MTERF1: variants seen among roughly 807,000 people sequenced by gnomAD.
The protein encoded by MTERF1 is mitochondrial transcription termination factor 1.
Under a neutral mutation model 31.6 loss-of-function variants are expected in MTERF1, and 29 were observed. The observed-to-expected ratio is 0.92, with a 90% CI of 0.68 to 1.25. The LOEUF is 1.25. Ranked by LOEUF, MTERF1 falls within the 50% of genes most tolerant of loss-of-function variation. The pLI is 0.00. For synonymous variants in MTERF1, 152 were observed against 164.1 expected (o/e 0.93, Z 0.57); for missense variants, 500 against 469.1 (o/e 1.07, Z -0.61).
At chr7:91,877,583 A>G (rs1193541965) in intron 2 of MTERF1, among the ~76,000 whole-genome samples, 2 of 152,158 alleles carry the variant, frequency 1.3e-5, no homozygotes, top group African/African-American at 4.8e-5. Flanking sequence ...CAGTCATCAA[A>G]TCACGTAGAC....
chr7:91,871,989 G>A lies in MTERF1; in HGVS notation c.*1605C>T, dbSNP rs1584458924. ...CTGGTGGCTTTATAAGAGGAAAAGA[G>A]ACCTAAGTACATTAGCAATCGCCAT... On this transcript the variant is annotated 3_prime_UTR_variant, in exon 3 of 3. Coordinates refer to ENST00000351870, the MANE Select transcript of MTERF1 (RefSeq NM_006980.5). 1 of 152,314 alleles carries A rather than the reference G, an allele frequency of 6.6e-6. No homozygotes were observed. Among genetic ancestry groups the A allele is most frequent in the South Asian group, 2.1e-4 (1 of 4,816 alleles). The allele number at this position is 152,314 out of a possible 1,614,324, so 9.4% of individuals were successfully genotyped here.
intron 2 of MTERF1, among the ~76,000 whole-genome samples, chr7:91,875,801 C>T (rs1789332381): frequency 6.6e-6 from 1 of 152,152 alleles, no homozygotes; most frequent in Non-Finnish European, 1.5e-5. Flanking sequence ...CTTATATAGA[C>T]CTCTAGTCAA....
Position 91,873,281 on chromosome 7 carries a change from T to C in MTERF1, c.*313A>G, listed in dbSNP as rs909594562. On this transcript the variant is annotated 3_prime_UTR_variant, in exon 3 of 3. Coordinates refer to ENST00000351870, the MANE Select transcript of MTERF1 (RefSeq NM_006980.5). ...GGACTCTAATGGAGAATCTGTTTCC[T>C]TGCCTTTTCAATCTTTTTTTACAGG... 9.3e-6 allele frequency: 2 copies of C among 215,712 alleles called. No individual in the cohort carries two copies. Among genetic ancestry groups the C allele is most frequent in the African/African-American group, 4.6e-5 (2 of 43,316 alleles). 13.4% of individuals were successfully genotyped at this position (215,712 alleles called of 1,614,324 possible).
Position 91,871,900 on chromosome 7 carries a change from T to C in MTERF1, c.*1694A>G, listed in dbSNP as rs1437426416. ...AGAGGTGACTGGATCATAAGGGCTATGTCATCAGAAATTGATTAATCTATT... is the reference window on the plus strand; with the variant it reads ...AGAGGTGACTGGATCATAAGGGCTACGTCATCAGAAATTGATTAATCTATT... On this transcript the variant is annotated 3_prime_UTR_variant, in exon 3 of 3. Coordinates refer to ENST00000351870, the MANE Select transcript of MTERF1 (RefSeq NM_006980.5). 1.3e-5 allele frequency: 2 copies of C among 152,238 alleles called. No homozygotes were observed. The highest frequency in any genetic ancestry group is 2.1e-4 in the South Asian group (1 of 4,834). The allele number at this position is 152,238 out of a possible 1,614,324, so 9.4% of individuals were successfully genotyped here.
In MTERF1 at chr7:91,871,094, T is replaced by C. The variant is rs2130286004; in HGVS notation, c.*2500A>G. 1 of 152,044 alleles carries C rather than the reference T, an allele frequency of 6.6e-6. No individual in the cohort carries two copies. The highest frequency in any genetic ancestry group is 2.1e-4 in the South Asian group (1 of 4,816). The allele number at this position is 152,044 out of a possible 1,614,324, so 9.4% of individuals were successfully genotyped here. On this transcript the variant is annotated 3_prime_UTR_variant, in exon 3 of 3. Transcript: ENST00000351870. ...GCTGGCCAATATTTCTATAATTCTATCTTTAAAAAAAAAGAATTGACTCTC... is the reference window on the plus strand; with the variant it reads ...GCTGGCCAATATTTCTATAATTCTACCTTTAAAAAAAAAGAATTGACTCTC...
intron 2 of MTERF1, among the ~76,000 whole-genome samples, chr7:91,877,348 G>A (rs949943291): frequency 6.6e-6 from 1 of 152,060 alleles, no homozygotes; most frequent in African/African-American, 2.4e-5. Context: ...ATCTATAAAC[G>A]TTTCTTCTAA....
chr7:91,874,539 A>G lies in MTERF1; in HGVS notation c.255T>C (p.Asp85=), dbSNP rs1427032741. ...GCTGTCGTTTCCTTGCCATGTCAATATCTACTCCCATAGTAAGTAAGTTTT... is the reference window on the plus strand; with the variant it reads ...GCTGTCGTTTCCTTGCCATGTCAATGTCTACTCCCATAGTAAGTAAGTTTT... ...LLKNLLTMGV[D]IDMARKRQPG... The change falls in exon 3 of 3, where the codon GAT becomes GAC. Residue 85 remains aspartate (D), a synonymous_variant. Coordinates refer to ENST00000351870, the MANE Select transcript of MTERF1 (RefSeq NM_006980.5). The G allele has an allele frequency of 1.2e-6, 2 of 1,614,026 alleles. No individual in the cohort carries two copies. The highest frequency in any genetic ancestry group is 4.5e-5 in the East Asian group (2 of 44,896).
rs761246154 is a variant in MTERF1 at position 91,873,712 on chromosome 7, CT to C, written c.1081del (p.Ser361ValfsTer7). On this transcript the variant is annotated frameshift_variant, in exon 3 of 3. Transcript: ENST00000351870. LOFTEE classifies it high-confidence loss of function. ...AGCATTTACCAATTCTTTGATTCGA[CT>C]TTTTAAAGTACTTATGCTTGAATCC... ...VLDSSISTLK[S>X]RIKELVNAGC... The C allele has an allele frequency of 3.1e-6, 5 of 1,614,078 alleles. No homozygotes were observed. In the South Asian group the frequency reaches 4.4e-5, roughly 14 times the overall value.
intron 2 of MTERF1, among the ~76,000 whole-genome samples, chr7:91,879,164 AAAAG>A (rs138650209): frequency 0.027 from 4,105 of 152,240 alleles, 72 homozygotes; most frequent in Non-Finnish European, 0.043. Flanking sequence ...AAATAGAAGA[AAAAG>A]AAAGAAAGAA....
At position 91,873,912 on chromosome 7, in the gene MTERF1, T is replaced by G; in HGVS notation, c.882A>C (p.Ala294=). ...GAGAAAACAGCTTCTCTTTGATGTTTGCGTAGCTTCTTCTGGCATAGTCAT... is the reference window on the plus strand; with the variant it reads ...GAGAAAACAGCTTCTCTTTGATGTTGGCGTAGCTTCTTCTGGCATAGTCAT... The part of the protein sequence containing the change: ...LSNDYARRSY[A]NIKEKLFSLG... The change falls in exon 3 of 3, where the codon GCA becomes GCC. Residue 294 remains alanine (A), a synonymous_variant. Transcript: ENST00000351870. 1 of 1,614,054 alleles carries G rather than the reference T, an allele frequency of 6.2e-7. No homozygotes were observed. The highest frequency in any genetic ancestry group is 8.5e-7 in the Non-Finnish European group (1 of 1,179,998).
intron 2 of MTERF1, among the ~76,000 whole-genome samples, chr7:91,876,454 TAG>T (rs1278154940): frequency 2.6e-5 from 4 of 152,286 alleles, no homozygotes; most frequent in African/African-American, 7.2e-5. Flanking sequence ...AAACAGAAAA[TAG>T]AGATAGATAA....
rs546581646 is a variant in MTERF1 at position 91,874,319 on chromosome 7, T to C, written c.475A>G (p.Ile159Val). Residue 159 changes from isoleucine (I) to valine (V), a missense_variant, in exon 3 of 3, where the codon ATT becomes GTT. Transcript: ENST00000351870. ...AAGGATTCAGGAGAACGTTCCAAAATATTTACAATTTCAAGGTCTGATGTC... is the reference window on the plus strand; with the variant it reads ...AAGGATTCAGGAGAACGTTCCAAAACATTTACAATTTCAAGGTCTGATGTC... ...IVTSDLEIVN[I>V]LERSPESFFR... is the part of the protein sequence containing the mutation. 1.9e-6 allele frequency: 3 copies of C among 1,614,142 alleles called. No homozygotes were observed. The South Asian group carries it at 3.3e-5, about 18-fold the overall frequency.
rs1474069097 is a variant in MTERF1 at position 91,873,688 on chromosome 7, G to C, written c.1106C>G (p.Ala369Gly). ...LKSRIKELVN[A>G]GCNLSTLNIT... ...GTTTAAAGTACTCAAGTTACAGCCA[G>C]CATTTACCAATTCTTTGATTCGACT... Residue 369 changes from alanine to glycine, a missense_variant, in exon 3 of 3, where the codon GCT becomes GGT. By Grantham distance (60) the Ala-to-Gly change is moderately conservative. Coordinates refer to ENST00000351870, the MANE Select transcript of MTERF1 (RefSeq NM_006980.5). 2 of 1,614,018 alleles carry C rather than the reference G, an allele frequency of 1.2e-6. No individual in the cohort carries two copies. The highest frequency in any genetic ancestry group is 1.7e-6 in the Non-Finnish European group (2 of 1,179,988).
rs764582792 is a variant in MTERF1 at position 91,874,712 on chromosome 7, G to T, written c.82C>A (p.His28Asn). 4.5e-5 allele frequency: 73 copies of T among 1,613,826 alleles called. No homozygotes were observed. Among genetic ancestry groups the T allele is most frequent in the Non-Finnish European group, 6.2e-5 (73 of 1,179,922 alleles). ...CCAAAGAGAAAGTTATTTCTCATAT[G>T]CCAGAGGTTTCCTGGTGCCATAATG... ...LTIMAPGNLW[H>N]MRNNFLFGSR... The change falls in exon 3 of 3, where the codon CAT becomes AAT. Residue 28 changes from histidine to asparagine, a missense_variant. His to Asn is a moderately conservative substitution (Grantham distance 68). Coordinates refer to ENST00000351870, the MANE Select transcript of MTERF1 (RefSeq NM_006980.5).
intron 2 of MTERF1, among the ~76,000 whole-genome samples, chr7:91,876,704 C>T (rs1024271579): frequency 1.3e-5 from 2 of 152,218 alleles, no homozygotes; most frequent in Non-Finnish European, 2.9e-5. Context: ...GTACTCACAA[C>T]ATAAACATCA....
At chr7:91,878,156 A>G (rs1789391579) in intron 2 of MTERF1, among the ~76,000 whole-genome samples, 1 of 152,212 alleles carries the variant, frequency 6.6e-6, no homozygotes, top group Non-Finnish European at 1.5e-5. Flanking sequence ...AAGGAATCTA[A>G]AACTAAGCTT....
Position 91,874,059 on chromosome 7 carries a change from T to C in MTERF1, c.735A>G (p.Leu245=). ...CTTTCACCCGCTTGGTGCTCTGAAT[T>C]AAGATAAAAGGGTTTTTAAAAATTA... ...RKIIFKNPFI[L]IQSTKRVKAN... Residue 245 remains leucine, a synonymous_variant, in exon 3 of 3, where the codon TTA becomes TTG. Coordinates refer to ENST00000351870, the MANE Select transcript of MTERF1 (RefSeq NM_006980.5). 6.2e-7 allele frequency: 1 copy of C among 1,614,120 alleles called. No homozygotes were observed. The highest frequency in any genetic ancestry group is 8.5e-7 in the Non-Finnish European group (1 of 1,180,006).
In MTERF1 at chr7:91,873,477, A is replaced by C. The variant is rs914916153; in HGVS notation, c.*117T>G. 1 of 890,732 alleles carries C rather than the reference A, an allele frequency of 1.1e-6. No individual in the cohort carries two copies. Among genetic ancestry groups the C allele is most frequent in the Admixed American group, 2.9e-5 (1 of 34,036 alleles). 55.2% of individuals were successfully genotyped at this position (890,732 alleles called of 1,614,324 possible). Reference sequence around the variant, plus strand: ...ATTAGGCCCTCCAAAGTAATTCAGGATAATCTCCCCATCTCAAGGCCCTTA... The same window carrying C: ...ATTAGGCCCTCCAAAGTAATTCAGGCTAATCTCCCCATCTCAAGGCCCTTA... On this transcript the variant is annotated 3_prime_UTR_variant, in exon 3 of 3. Coordinates refer to ENST00000351870, the MANE Select transcript of MTERF1 (RefSeq NM_006980.5).
intron 2 of MTERF1, 148 bp downstream of exon 2, chr7:91,879,907 G>T (rs2130331118): frequency 2.4e-6 from 2 of 820,350 alleles, no homozygotes; most frequent in Non-Finnish European, 3.8e-6. Context: ...TCTAAAAAAA[G>T]ATTTACGTTC....
Sources: allele counts gnomAD v4.1 joint callset (sites outside exome capture counted in the v4.1 genomes callset), GRCh38; gene constraint gnomAD v4.1.1; transcripts MANE v1.5; gene names NCBI Gene and HGNC (gene_info 2026-07-23, HGNC 2026-07-21).